Variants in SLC9C1 observed in about 807,000 individuals in gnomAD.
The protein encoded by SLC9C1 is sodium/hydrogen exchanger 10.
Under a neutral mutation model 140.9 loss-of-function variants are expected in SLC9C1, and 97 were observed. The ratio of observed to expected loss-of-function variants is 0.69; its 90% CI spans 0.58 to 0.82. The LOEUF (loss-of-function observed/expected upper bound fraction) is 0.82. SLC9C1 is among the 40% of genes least tolerant of loss of function. The pLI, the probability that SLC9C1 is intolerant of heterozygous loss-of-function variation, is 0.00. For synonymous variants in SLC9C1, 440 were observed against 442.6 expected, an observed-to-expected ratio of 0.99 and a Z score of 0.07; for missense variants, 1,340 against 1,389.3, an observed-to-expected ratio of 0.96 and a Z score of 0.56.
At chr3:112,276,122 A>T (rs897018163) in intron 5 of SLC9C1, among the ~76,000 whole-genome samples, 5 of 152,134 alleles carry the variant, frequency 3.3e-5, no homozygotes, top group African/African-American at 1.2e-4. Context: ...GAACTGCTGG[A>T]TTCATGAGAA....
Position 112,217,537 on chromosome 3 carries a change from C to A in SLC9C1, c.1695G>T (p.Lys565Asn). 6.2e-7 allele frequency: 1 copy of A among 1,604,306 alleles called. No homozygotes were observed. Among genetic ancestry groups the A allele is most frequent in the Non-Finnish European group, 8.5e-7 (1 of 1,175,600 alleles). Residue 565 changes from lysine (K) to asparagine (N), a missense_variant, in exon 15 of 29, where the codon AAG becomes AAT. Lys to Asn is a moderately conservative substitution (Grantham distance 94). Coordinates refer to ENST00000305815, the MANE Select transcript of SLC9C1 (RefSeq NM_183061.3). ...CTGTTTTTTGGCTTTCAGAATAATT[C>A]TTTATTGTATCAAGACTCATACATC... is the stretch of plus-strand genomic sequence containing the variant. ...KGKCMSLDTI[K>N]NYSESQKTVT... is the part of the protein sequence containing the mutation.
At chr3:112,247,027 T>C (rs1445067252) in intron 10 of SLC9C1, among the ~76,000 whole-genome samples, 1 of 152,164 alleles carries the variant, frequency 6.6e-6, no homozygotes, top group African/African-American at 2.4e-5. Context: ...GTTTTTAAAA[T>C]GAAAACATCC....
chr3:112,217,043 A>G (rs534415301), intron 15 of SLC9C1, among the ~76,000 whole-genome samples: 1 of 152,094 alleles, frequency 6.6e-6, no homozygotes, highest in Admixed American at 6.5e-5. Flanking sequence ...GGATGAGTTC[A>G]TGTCCTTTGT....
chr3:112,250,864 T>C (rs945036110), intron 10 of SLC9C1, among the ~76,000 whole-genome samples: 7 of 152,150 alleles, frequency 4.6e-5, no homozygotes, highest in African/African-American at 1.7e-4. Flanking sequence ...GAACTACCAT[T>C]CGACCCAGCA....
chr3:112,275,605 G>T (rs1329969428), intron 5 of SLC9C1, among the ~76,000 whole-genome samples: 2 of 152,234 alleles, frequency 1.3e-5, no homozygotes, highest in East Asian at 3.9e-4. Flanking sequence ...GCCATTAAAT[G>T]TGCATGTAGT....
At chr3:112,178,161 A>G (rs535409475) in intron 23 of SLC9C1, among the ~76,000 whole-genome samples, 1 of 150,278 alleles carries the variant, frequency 6.7e-6, no homozygotes, top group Non-Finnish European at 1.5e-5. Flanking sequence ...GTAAACAGAG[A>G]CAGAGTCTGG....
At chr3:112,292,655 T>C (rs2080718573) in intron 1 of SLC9C1, among the ~76,000 whole-genome samples, 1 of 152,118 alleles carries the variant, frequency 6.6e-6, no homozygotes, top group African/African-American at 2.4e-5. Context: ...ACCATTCTCC[T>C]GCCTCAGCCT....
intron 28 of SLC9C1, among the ~76,000 whole-genome samples, chr3:112,142,911 G>T (rs1402318903): frequency 1.3e-5 from 2 of 151,820 alleles, no homozygotes; most frequent in South Asian, 4.2e-4. Context: ...GAAATCCCCA[G>T]GGTCTAATGT....
intron 15 of SLC9C1, among the ~76,000 whole-genome samples, chr3:112,211,516 C>T (rs1489472895): frequency 6.6e-6 from 1 of 152,220 alleles, no homozygotes; most frequent in African/African-American, 2.4e-5. Context: ...CCTAATACTG[C>T]ACTTTTCCAA....
At chr3:112,147,966 A>G (rs1211440418) in intron 28 of SLC9C1, among the ~76,000 whole-genome samples, 2 of 152,182 alleles carry the variant, frequency 1.3e-5, no homozygotes, top group African/African-American at 2.4e-5. Flanking sequence ...CATTTTTAAA[A>G]TTCTTTTAAA....
chr3:112,269,704 CTTTTAT>C (rs1388602372), intron 7 of SLC9C1, among the ~76,000 whole-genome samples: 1 of 151,290 alleles, frequency 6.6e-6, no homozygotes, highest in East Asian at 1.9e-4. Flanking sequence ...ATTTTTCTTT[CTTTTAT>C]AATAGTGTTT....
chr3:112,185,873 G>T lies in SLC9C1; in HGVS notation c.2524-3615C>A, dbSNP rs376859201. ...GGACTGCGCGGCACAGCTCCCACTC[G>T]CCAGGCGGCAGGGGGCTCTCAGCCA... On this transcript the variant is annotated intron_variant, in intron 20 of 28. Coordinates refer to ENST00000305815, the MANE Select transcript of SLC9C1 (RefSeq NM_183061.3). 23 of 1,588,926 alleles carry T rather than the reference G, an allele frequency of 1.4e-5. No individual in the cohort carries two copies. The East Asian group carries it at 2.9e-4, about 20-fold the overall frequency.
Position 112,269,977 on chromosome 3 carries a change from A to C in SLC9C1, c.714T>G (p.Phe238Leu). ...KLIQFWMSTVFGDDVNHISLI... is the reference protein window; with the variant it reads ...KLIQFWMSTVLGDDVNHISLI... Reference sequence around the variant, plus strand: ...GACTTATATGATTGACATCATCACCAAAAACAGTTGACATCCAAAATTGAA... The same window carrying C: ...GACTTATATGATTGACATCATCACCCAAAACAGTTGACATCCAAAATTGAA... The change falls in exon 7 of 29, where the codon TTT becomes TTG. Residue 238 changes from phenylalanine (F) to leucine (L), a missense_variant. Physicochemically the swap from Phe to Leu is conservative, Grantham distance 22. Coordinates refer to ENST00000305815, the MANE Select transcript of SLC9C1 (RefSeq NM_183061.3). 1 of 1,600,040 alleles carries C rather than the reference A, an allele frequency of 6.2e-7. No homozygotes were observed. Among genetic ancestry groups the C allele is most frequent in the Non-Finnish European group, 8.5e-7 (1 of 1,174,022 alleles).
intron 15 of SLC9C1, among the ~76,000 whole-genome samples, chr3:112,216,871 T>C (rs2078388173): frequency 6.6e-6 from 1 of 152,092 alleles, no homozygotes; most frequent in Non-Finnish European, 1.5e-5. Context: ...ACCCAAAGGA[T>C]TATAAATCAT....
chr3:112,192,821 A>T (rs1202916865), intron 20 of SLC9C1, among the ~76,000 whole-genome samples: 3 of 151,542 alleles, frequency 2.0e-5, no homozygotes, highest in Non-Finnish European at 4.4e-5. Flanking sequence ...TTATTTTAAA[A>T]TTTTTTTCTG....
At chr3:112,216,798 G>A (rs886608919) in intron 15 of SLC9C1, among the ~76,000 whole-genome samples, 6 of 152,146 alleles carry the variant, frequency 3.9e-5, no homozygotes, top group African/African-American at 7.2e-5. Flanking sequence ...ACAGTGTGGC[G>A]ATTCCTCAAG....
intron 28 of SLC9C1, among the ~76,000 whole-genome samples, chr3:112,149,042 A>G (rs533354738): frequency 6.6e-6 from 1 of 152,108 alleles, no homozygotes; most frequent in Non-Finnish European, 1.5e-5. Flanking sequence ...AGATCTCTGC[A>G]CAGGAGGGGT....
intron 28 of SLC9C1, among the ~76,000 whole-genome samples, chr3:112,143,910 A>G (rs747306637): frequency 6.6e-6 from 1 of 152,096 alleles, no homozygotes; most frequent in Non-Finnish European, 1.5e-5. Flanking sequence ...GAATTTTTGT[A>G]TATGGTGAAA....
chr3:112,239,928 G>A lies in SLC9C1; in HGVS notation c.1358C>T (p.Ala453Val), dbSNP rs939706195. The A allele has an allele frequency of 2.5e-6, 4 of 1,613,850 alleles. No individual in the cohort carries two copies. Among genetic ancestry groups the A allele is most frequent in the African/African-American group, 2.7e-5 (2 of 74,926 alleles). The change falls in exon 12 of 29, where the codon GCA becomes GTA. Residue 453 changes from alanine to valine, a missense_variant. Transcript: ENST00000305815. ...TTTGTCAAATTTAAGGGCAGAGGCT[G>A]CAGACTTGGTTAGCTCTTGAAAGTG... is the stretch of plus-strand genomic sequence containing the variant. ...FQHFQELTKS[A>V]ASALKFDKDL...
Sources: gnomAD v4.1 joint callset for allele counts (sites outside exome capture counted in the v4.1 genomes callset) on GRCh38, gnomAD v4.1.1 for gene constraint, MANE v1.5 for transcripts, NCBI Gene and HGNC (gene_info 2026-07-23, HGNC 2026-07-21) for gene names.